The following GPBP1 variants were observed in gnomAD, a reference collection of about 807,000 sequenced individuals.
The protein encoded by GPBP1 is vasculin.
Under a neutral mutation model 56.5 loss-of-function variants are expected in GPBP1, and 13 were observed. The observed-to-expected ratio is 0.23, with a 90% CI of 0.15 to 0.37. The LOEUF (loss-of-function observed/expected upper bound fraction) is 0.37. GPBP1 is among the 10% of genes least tolerant of loss of function. The pLI, the probability that GPBP1 is intolerant of heterozygous loss-of-function variation, is 1.00. For synonymous variants in GPBP1, 204 were observed against 188.9 expected, an observed-to-expected ratio of 1.08 and a Z score of -0.66; for missense variants, 477 against 572.3, an observed-to-expected ratio of 0.83 and a Z score of 1.70.
chr5:57,178,301 G>A (rs139202970), intron 2 of GPBP1, among the ~76,000 whole-genome samples: 1 of 152,138 alleles, frequency 6.6e-6, no homozygotes, highest in Non-Finnish European at 1.5e-5. Flanking sequence ...AGGCTAGAGT[G>A]CAGTGGCGCA....
intron 6 of GPBP1, among the ~76,000 whole-genome samples, chr5:57,242,021 C>T (rs1221350965): frequency 6.6e-6 from 1 of 152,194 alleles, no homozygotes; most frequent in African/African-American, 2.4e-5. Flanking sequence ...ATCCCTTCTT[C>T]CATTACTTAC....
intron 2 of GPBP1, among the ~76,000 whole-genome samples, chr5:57,201,961 A>G (rs1755040514): frequency 6.6e-6 from 1 of 152,080 alleles, no homozygotes; most frequent in South Asian, 2.1e-4. Context: ...TTAATCTTTC[A>G]TAATTCTGCG....
At chr5:57,236,453 T>G (rs976942274) in intron 6 of GPBP1, among the ~76,000 whole-genome samples, 1 of 151,144 alleles carries the variant, frequency 6.6e-6, no homozygotes, top group Non-Finnish European at 1.5e-5. Context: ...ATGAAAGTGG[T>G]TACGTATATA....
chr5:57,206,469 G>A (rs972703280), intron 2 of GPBP1, among the ~76,000 whole-genome samples: 6 of 152,114 alleles, frequency 3.9e-5, no homozygotes, highest in African/African-American at 1.4e-4. Flanking sequence ...CGCGATCCCG[G>A]CTCACTGCCA....
In GPBP1 at chr5:57,214,187, A is replaced by C; in HGVS notation, c.57A>C (p.Ser19=). ...TTAATTTCCCTACTCCACCATCATC[A>C]ACAAAGGTACTCTTTCTGCATCTTT... ...AWLNFPTPPS[S]TKSSLNFEKH... The change falls in exon 3 of 12, where the codon TCA becomes TCC. Residue 19 remains serine (S), a synonymous_variant. Coordinates refer to ENST00000506184, the MANE Select transcript of GPBP1 (RefSeq NM_022913.4). 1 of 1,611,548 alleles carries C rather than the reference A, an allele frequency of 6.2e-7. No homozygotes were observed. Among genetic ancestry groups the C allele is most frequent in the Non-Finnish European group, 8.5e-7 (1 of 1,177,768 alleles).
chr5:57,230,991 T>C (rs1428823080), intron 4 of GPBP1, 22 bp downstream of exon 4: 3 of 1,577,526 alleles, frequency 1.9e-6, no homozygotes, highest in Non-Finnish European at 2.6e-6. Flanking sequence ...TAAGGAATGA[T>C]GTTTATGGCT....
Position 57,174,149 on chromosome 5 carries a change from C to A in GPBP1, c.-1073C>A. ...AGGGGATTATTCAAAGTACCGAAAA[C>A]CTTCTCCCGGGATCAGGCGCGGCGG... is the stretch of plus-strand genomic sequence containing the variant. On this transcript the variant is annotated 5_prime_UTR_variant, in exon 1 of 12. Transcript: ENST00000506184. The A allele has an allele frequency of 6.5e-6, 1 of 153,332 alleles. No homozygotes were observed. Among genetic ancestry groups the A allele is most frequent in the Non-Finnish European group, 1.5e-5 (1 of 68,594 alleles). The allele number at this position is 153,332 out of a possible 1,614,324, so 9.5% of individuals were successfully genotyped here. A position where few individuals can be genotyped will look rare whatever the true frequency, so the allele number is the denominator to read the frequency against.
At chr5:57,259,832 C>A (rs1480487369) in intron 10 of GPBP1, among the ~76,000 whole-genome samples, 1 of 152,196 alleles carries the variant, frequency 6.6e-6, no homozygotes, top group African/African-American at 2.4e-5. Context: ...CTTTAGCTTT[C>A]CTTCTCAAAA....
At chr5:57,202,141 A>G (rs1244980475) in intron 2 of GPBP1, among the ~76,000 whole-genome samples, 2 of 152,066 alleles carry the variant, frequency 1.3e-5, no homozygotes, top group Non-Finnish European at 2.9e-5. Flanking sequence ...CTACGGGTGC[A>G]TGCCACTACG....
rs558326509 is a variant in GPBP1, at chr5:57,248,155, GTCT to G, written c.804+945_804+947del. On this transcript the variant is annotated intron_variant, in intron 8 of 11. Coordinates refer to ENST00000506184, the MANE Select transcript of GPBP1 (RefSeq NM_022913.4). ...CTAATGAGGATTTGTATTGTATAAT[GTCT>G]TCTTTTGGGGATGATGGACATTTTA... is the stretch of plus-strand genomic sequence containing the variant. Among the ~76,000 whole-genome samples, 18 of 152,250 alleles carry G rather than the reference GTCT, an allele frequency of 1.2e-4. No individual in the cohort carries two copies. In the East Asian group the frequency reaches 2.9e-3, roughly 25 times the overall value.
At position 57,219,480 on chromosome 5, in the gene GPBP1, G is replaced by T. The variant is rs554792336; in HGVS notation, c.63+5287G>T. ...CAAATAATTAAAATTTAAAAAAAAA[G>T]GTACTTGAAATTGTTGGGGAATGGA... On this transcript the variant is annotated intron_variant, in intron 3 of 11. Transcript: ENST00000506184. Among the ~76,000 whole-genome samples the T allele has an allele frequency of 1.9e-4, 28 of 144,650 alleles. 1 individual carries two copies. The South Asian group carries it at 5.9e-3, about 31-fold the overall frequency. 94.9% of individuals were successfully genotyped at this position (144,650 alleles called of 152,430 possible). A position where few individuals can be genotyped will look rare whatever the true frequency, so the allele number is the denominator to read the frequency against.
intron 2 of GPBP1, among the ~76,000 whole-genome samples, chr5:57,203,978 G>A (rs1755124271): frequency 6.6e-6 from 1 of 152,004 alleles, no homozygotes; most frequent in South Asian, 2.1e-4. Flanking sequence ...GAATAATAGG[G>A]CATTTACCAT....
intron 3 of GPBP1, among the ~76,000 whole-genome samples, chr5:57,223,837 TTTTA>T (rs1342733484): frequency 6.6e-6 from 1 of 150,594 alleles, no homozygotes; most frequent in Non-Finnish European, 1.5e-5. Flanking sequence ...GTTTATTTTA[TTTTA>T]TTTTATTTTT....
intron 2 of GPBP1, among the ~76,000 whole-genome samples, chr5:57,213,421 A>T (rs1256349275): frequency 6.6e-6 from 1 of 151,940 alleles, no homozygotes; most frequent in Middle Eastern, 3.2e-3. Flanking sequence ...CCTTAGTGCC[A>T]TTTAATAATA....
intron 3 of GPBP1, among the ~76,000 whole-genome samples, chr5:57,226,210 C>T (rs891980677): frequency 3.3e-5 from 5 of 152,130 alleles, no homozygotes; most frequent in Admixed American, 1.3e-4. Flanking sequence ...ACAGTCAGGT[C>T]GGTTTAAATT....
rs543116337 is a variant in GPBP1, at chr5:57,201,293, A to AT, written c.-57-12772dup. Reference sequence around the variant, plus strand: ...AAGTGTGTGCTACCATGTGCAGCTAATTTTTTTTTCCCAGTACAGAAAGAC... The same window carrying AT: ...AAGTGTGTGCTACCATGTGCAGCTAATTTTTTTTTTCCCAGTACAGAAAGAC... On this transcript the variant is annotated intron_variant, in intron 2 of 11. Transcript: ENST00000506184. 1.6e-3 allele frequency among the ~76,000 whole-genome samples: 245 copies of AT among 151,536 alleles called. 1 individual carries two copies. The highest frequency in any genetic ancestry group is 0.013 in the South Asian group (62 of 4,792).
chr5:57,219,706 A>G (rs1755869241), intron 3 of GPBP1, among the ~76,000 whole-genome samples: 1 of 152,002 alleles, frequency 6.6e-6, no homozygotes, highest in South Asian at 2.1e-4. Flanking sequence ...TAAATGTAAG[A>G]CTTCTTGTAA....
intron 2 of GPBP1, among the ~76,000 whole-genome samples, chr5:57,177,238 A>G (rs1753824218): frequency 6.6e-6 from 1 of 152,180 alleles, no homozygotes; most frequent in Admixed American, 6.6e-5. Flanking sequence ...TGAGAGAGTT[A>G]TCGTTTAATG....
intron 3 of GPBP1, among the ~76,000 whole-genome samples, chr5:57,228,626 A>C (rs1358978288): frequency 6.6e-6 from 1 of 152,020 alleles, no homozygotes; most frequent in African/African-American, 2.4e-5. Flanking sequence ...GATCCCCTCC[A>C]TTCTTTATTT....
Sources: gnomAD v4.1 joint callset for allele counts (sites outside exome capture counted in the v4.1 genomes callset) on GRCh38, gnomAD v4.1.1 for gene constraint, MANE v1.5 for transcripts, NCBI Gene and HGNC (gene_info 2026-07-23, HGNC 2026-07-21) for gene names.